The following PAPOLG variants were observed in gnomAD, a reference collection of about 807,000 sequenced individuals.
PAPOLG encodes poly(A) polymerase gamma, also known as PAP-gamma.
Under a neutral mutation model 99.0 loss-of-function variants are expected in PAPOLG, and 40 were observed. The ratio of observed to expected loss-of-function variants is 0.40; its 90% confidence interval spans 0.31 to 0.53. The LOEUF is 0.53. Ranked by LOEUF, PAPOLG falls within the 20% of genes least tolerant of loss-of-function variation. The pLI, the probability that PAPOLG is intolerant of heterozygous loss-of-function variation, is 0.41. For synonymous variants in PAPOLG, 310 were observed against 299.3 expected, an observed-to-expected ratio of 1.04 and a Z score of -0.37; for missense variants, 675 against 884.1, an observed-to-expected ratio of 0.76 and a Z score of 3.00.
At chr2:60,775,326 A>G (rs1670984214) in intron 8 of PAPOLG, among the ~76,000 whole-genome samples, 1 of 152,192 alleles carries the variant, frequency 6.6e-6, no homozygotes, top group African/African-American at 2.4e-5. Context: ...TTGGGTAAAA[A>G]CTTAAAGCCC....
chr2:60,764,070 T>C (rs1305869844), intron 3 of PAPOLG, among the ~76,000 whole-genome samples: 1 of 152,224 alleles, frequency 6.6e-6, no homozygotes, highest in Non-Finnish European at 1.5e-5. Context: ...CCCAGAGTGC[T>C]GGGATTACAG....
intron 21 of PAPOLG, chr2:60,795,260 A>G (rs1671661620): frequency 3.2e-6 from 2 of 628,304 alleles, no homozygotes; most frequent in African/African-American, 1.8e-5. Flanking sequence ...TATTTAGATT[A>G]TGTTCACCCT....
Position 60,792,266 on chromosome 2 carries a change from C to G in PAPOLG, c.1656C>G (p.Ser552Arg), listed in dbSNP as rs372826660. Reference sequence around the variant, plus strand: ...ATTCTCCAGCGTCCAAGTCTGATAGCCCTTCTGTAGGAGAAACAGAAAGGT... The same window carrying G: ...ATTCTCCAGCGTCCAAGTCTGATAGGCCTTCTGTAGGAGAAACAGAAAGGT... ...PFNSPASKSD[S>R]PSVGETERNS... The change falls in exon 17 of 22, where the codon AGC becomes AGG. Residue 552 changes from serine (S) to arginine (R), a missense_variant. Physicochemically the swap from Ser to Arg is moderately radical, Grantham distance 110 (BLOSUM62 -1). This residue lies in a region of PAPOLG where 413 missense variants were observed against 460.5 expected (regional missense o/e 0.90). Transcript: ENST00000238714. The G allele has an allele frequency of 1.6e-5, 25 of 1,606,096 alleles. No individual in the cohort carries two copies. In the African/African-American group the frequency reaches 2.8e-4, roughly 18 times the overall value.
At chr2:60,784,493 C>T (rs566289103) in intron 13 of PAPOLG, among the ~76,000 whole-genome samples, 115 of 152,254 alleles carry the variant, frequency 7.6e-4, no homozygotes, top group Admixed American at 2.4e-3. Context: ...CTCTATCAGA[C>T]GGAAGCTGTT....
chr2:60,794,268 C>A, intron 19 of PAPOLG, 77 bp downstream of exon 19: 2 of 1,386,358 alleles, frequency 1.4e-6, no homozygotes, highest in South Asian at 1.5e-5. Context: ...TTTTCCATAG[C>A]TGTTGGTGTT....
At chr2:60,760,448 G>A (rs113474882) in intron 2 of PAPOLG, among the ~76,000 whole-genome samples, 153 bp downstream of exon 2, 1 of 152,256 alleles carries the variant, frequency 6.6e-6, no homozygotes, top group Admixed American at 6.5e-5. Context: ...TTTAGGTAGG[G>A]GTTAGAAGAA....
intron 8 of PAPOLG, among the ~76,000 whole-genome samples, chr2:60,777,303 A>G (rs1671049765): frequency 6.6e-6 from 1 of 152,066 alleles, no homozygotes; most frequent in Non-Finnish European, 1.5e-5. Context: ...TAAAAATACA[A>G]AAATTAGCCG....
At chr2:60,793,862 G>T in intron 18 of PAPOLG, 109 bp from the exon 19 acceptor site, 1 of 1,412,174 alleles carries the variant, frequency 7.1e-7, no homozygotes, top group South Asian at 1.4e-5. Flanking sequence ...AGTGAGCTGT[G>T]ATCAAGCCAC....
chr2:60,761,720 C>T (rs183092371), intron 2 of PAPOLG, 21 bp from the exon 3 acceptor site: 3 of 1,582,402 alleles, frequency 1.9e-6, no homozygotes, highest in Non-Finnish European at 2.6e-6. Flanking sequence ...TTGTTTTAAT[C>T]TGAAGCATTT....
At chr2:60,764,518 G>A (rs1396070607) in intron 3 of PAPOLG, among the ~76,000 whole-genome samples, 2 of 151,588 alleles carry the variant, frequency 1.3e-5, no homozygotes, top group African/African-American at 4.9e-5. Context: ...CCAGGCTCCA[G>A]CAGTCCTCCC....
intron 9 of PAPOLG, among the ~76,000 whole-genome samples, chr2:60,780,424 C>T (rs1671153515): frequency 6.6e-6 from 1 of 152,034 alleles, no homozygotes; most frequent in Admixed American, 6.6e-5. Context: ...TATAAGCGTG[C>T]ACCACTAGGC....
At position 60,781,886 on chromosome 2, in the gene PAPOLG, T is replaced by G. The variant is rs765903546; in HGVS notation, c.908T>G (p.Val303Gly). Residue 303 changes from valine (V) to glycine (G), a missense_variant and splice_region_variant, in exon 11 of 22, where the codon GTA becomes GGA. By Grantham distance (109) the Val-to-Gly change is moderately radical. Coordinates refer to ENST00000238714, the MANE Select transcript of PAPOLG (RefSeq NM_022894.4). Reference sequence around the variant, plus strand: ...GTTATTCTGCTTCTAATTTCACAGGTAAATCCATCAGATAGGTATCATCTC... The same window carrying G: ...GTTATTCTGCTTCTAATTTCACAGGGAAATCCATCAGATAGGTATCATCTC... ...NLNLPVWDPR[V>G]NPSDRYHLMP... 3.7e-6 allele frequency: 6 copies of G among 1,614,006 alleles called. No individual in the cohort carries two copies. The highest frequency in any genetic ancestry group is 5.1e-6 in the Non-Finnish European group (6 of 1,179,932).
intron 16 of PAPOLG, 87 bp downstream of exon 16, chr2:60,791,969 A>G: frequency 1.3e-6 from 2 of 1,495,296 alleles, no homozygotes; most frequent in African/African-American, 1.4e-5. Context: ...TCCCAAACCT[A>G]TTGAGAAAAA....
chr2:60,797,853 T>C lies in PAPOLG; in HGVS notation c.*693T>C, dbSNP rs1671760289. 6.5e-6 allele frequency: 1 copy of C among 152,788 alleles called. No individual in the cohort carries two copies. Among genetic ancestry groups the C allele is most frequent in the African/African-American group, 2.4e-5 (1 of 41,460 alleles). 9.5% of individuals were successfully genotyped at this position (152,788 alleles called of 1,614,324 possible). A position where few individuals can be genotyped will look rare whatever the true frequency, so the allele number is the denominator to read the frequency against. ...TTACATAAGAGTTGGGCACCATAAA[T>C]TCTCTATATTTTGCCTCCCATGGAG... On this transcript the variant is annotated 3_prime_UTR_variant, in exon 22 of 22. Transcript: ENST00000238714.
At chr2:60,775,702 T>G (rs895166700) in intron 8 of PAPOLG, among the ~76,000 whole-genome samples, 4 of 152,102 alleles carry the variant, frequency 2.6e-5, no homozygotes, top group East Asian at 3.9e-4. Context: ...GTAAAGCAAA[T>G]TACAATTTTT....
At position 60,794,409 on chromosome 2, in the gene PAPOLG, AG is replaced by A; in HGVS notation, c.1989+219del. The A allele has an allele frequency of 4.9e-6, 3 of 610,302 alleles. No homozygotes were observed. The South Asian group carries it at 6.9e-5, about 14-fold the overall frequency. 37.8% of individuals were successfully genotyped at this position (610,302 alleles called of 1,614,324 possible). On this transcript the variant is annotated intron_variant, in intron 19 of 21. Transcript: ENST00000238714. Reference sequence around the variant, plus strand: ...TGGTCTGAGTTTCTCCTTGATTTACAGAAGTCATTACTGATAACAAAATCTC... The same window carrying A: ...TGGTCTGAGTTTCTCCTTGATTTACAAAGTCATTACTGATAACAAAATCTC...
intron 17 of PAPOLG, among the ~76,000 whole-genome samples, chr2:60,793,231 G>T (rs1010319453): frequency 9.2e-6 from 1 of 108,484 alleles, no homozygotes; most frequent in Non-Finnish European, 1.9e-5. Context: ...AAAAAAAAAA[G>T]CAGTGGTAAA....
intron 7 of PAPOLG, among the ~76,000 whole-genome samples, chr2:60,773,141 G>A (rs1385286161): frequency 6.6e-6 from 1 of 152,086 alleles, no homozygotes; most frequent in Non-Finnish European, 1.5e-5. Context: ...TGGTCAGGCT[G>A]GCCTCAAACT....
intron 13 of PAPOLG, among the ~76,000 whole-genome samples, chr2:60,784,536 T>C (rs140093447): frequency 6.6e-6 from 1 of 152,320 alleles, no homozygotes; most frequent in East Asian, 1.9e-4. Context: ...TTTCCTTGGG[T>C]CTGACTTCTG....
Sources: gnomAD v4.1 joint callset for allele counts (sites outside exome capture counted in the v4.1 genomes callset) on GRCh38, gnomAD v4.1.1 for gene constraint, gnomAD v4.1.1 regional missense constraint, MANE v1.5 for transcripts, NCBI Gene and HGNC (gene_info 2026-07-23, HGNC 2026-07-21) for gene names.